The following RECK variants were observed in gnomAD, a reference collection of about 807,000 sequenced individuals.
RECK encodes reversion inducing cysteine rich protein with kazal motifs, also known as reversion-inducing cysteine-rich protein with Kazal motifs.
In RECK, 69 loss-of-function variants were observed where a neutral mutation model predicts 115.1. The ratio of observed to expected loss-of-function variants is 0.60; its 90% CI spans 0.49 to 0.73. The LOEUF (loss-of-function observed/expected upper bound fraction) is 0.73, where lower values mean the gene tolerates loss of function less well. RECK is among the 30% of genes least tolerant of loss of function. The pLI, the probability that RECK is intolerant of heterozygous loss-of-function variation, is 0.00. For missense variants in RECK, 1,047 were observed against 1,203.7 expected (o/e 0.87, Z 1.93); for synonymous variants, 414 against 419.7 (o/e 0.99, Z 0.17).
chr9:36,092,325 G>A (rs1018645770), intron 10 of RECK, among the ~76,000 whole-genome samples: 2 of 151,906 alleles, frequency 1.3e-5, no homozygotes, highest in African/African-American at 4.8e-5. Context: ...AAGAACAATT[G>A]TTTTGAAGGT....
At chr9:36,108,376 T>G (rs142249342) in intron 14 of RECK, among the ~76,000 whole-genome samples, 104 of 152,292 alleles carry the variant, frequency 6.8e-4, no homozygotes, top group African/African-American at 2.4e-3. Context: ...TAATTAATAT[T>G]TATTGAATTC....
chr9:36,056,683 A>G (rs188029257), intron 2 of RECK, among the ~76,000 whole-genome samples: 84 of 152,268 alleles, frequency 5.5e-4, no homozygotes, highest in African/African-American at 2.0e-3. Context: ...AGACTGAGGA[A>G]CTTTAATTTT....
intron 1 of RECK, 45 bp downstream of exon 1, chr9:36,037,143 C>A (rs1375737251): frequency 6.6e-6 from 8 of 1,208,076 alleles, no homozygotes; most frequent in Non-Finnish European, 7.3e-6. Context: ...CGGGAGCGGC[C>A]GCCACAGCGC....
chr9:36,075,267 A>G (rs1302585497), intron 6 of RECK, among the ~76,000 whole-genome samples: 1 of 152,208 alleles, frequency 6.6e-6, no homozygotes, highest in Non-Finnish European at 1.5e-5. Context: ...CCACAAGCAC[A>G]TACTCTGTGC....
intron 10 of RECK, among the ~76,000 whole-genome samples, chr9:36,092,411 A>C (rs1246172584): frequency 2.0e-5 from 3 of 151,860 alleles, no homozygotes; most frequent in Non-Finnish European, 4.4e-5. Context: ...TCACTCTGTC[A>C]CCCAGGCTGG....
chr9:36,039,734 G>A (rs192547250), intron 1 of RECK, among the ~76,000 whole-genome samples: 30 of 152,310 alleles, frequency 2.0e-4, no homozygotes, highest in African/African-American at 7.2e-4. Context: ...TAAGGAATTA[G>A]GTAATAGTAA....
intron 11 of RECK, 126 bp from the exon 12 acceptor site, chr9:36,101,968 T>C: frequency 1.1e-6 from 1 of 892,346 alleles, no homozygotes; most frequent in Non-Finnish European, 1.7e-6. Context: ...GTGACTCTTG[T>C]TCTCTTTTGA....
intron 10 of RECK, among the ~76,000 whole-genome samples, chr9:36,091,559 G>T (rs527241963): frequency 3.3e-4 from 51 of 152,256 alleles, no homozygotes; most frequent in Non-Finnish European, 5.3e-4. Context: ...CAAGCTTCTG[G>T]AATTCAAAGA....
chr9:36,105,355 T>C, intron 13 of RECK, 72 bp downstream of exon 13: 3 of 1,483,400 alleles, frequency 2.0e-6, no homozygotes, highest in East Asian at 2.3e-5. Flanking sequence ...GCTATCTTTC[T>C]TTTTTTCAAT....
At chr9:36,079,737 T>C (rs1470350855) in intron 6 of RECK, among the ~76,000 whole-genome samples, 1 of 152,224 alleles carries the variant, frequency 6.6e-6, no homozygotes, top group Non-Finnish European at 1.5e-5. Context: ...TTTATGCCCA[T>C]ATTATTTCTT....
chr9:36,041,318 G>C (rs1820854914), intron 1 of RECK, among the ~76,000 whole-genome samples: 1 of 152,168 alleles, frequency 6.6e-6, no homozygotes, highest in Admixed American at 6.5e-5. Context: ...GACTATAAGT[G>C]GAGTATTAAG....
At position 36,098,505 on chromosome 9, in the gene RECK, T is replaced by C. The variant is rs74965896; in HGVS notation, c.1086-1826T>C. On this transcript the variant is annotated intron_variant, in intron 10 of 20. Transcript: ENST00000377966. ...AAGCATATGAAGCAAGTGGAATTCT[T>C]GTAGTATGTTACTACTGGGAGTAGA... Among the ~76,000 whole-genome samples the C allele has an allele frequency of 4.3e-4, 66 of 152,364 alleles. 1 individual carries two copies. The East Asian group carries it at 0.012, about 27-fold the overall frequency.
chr9:36,122,556 G>C (rs1824501557), intron 20 of RECK, among the ~76,000 whole-genome samples: 1 of 152,014 alleles, frequency 6.6e-6, no homozygotes, highest in South Asian at 2.1e-4. Flanking sequence ...CTCCCACCTT[G>C]GCCTCCCAGA....
rs1823026950 is a variant in RECK, at chr9:36,087,897, C to T, written c.841C>T (p.Pro281Ser). 3 of 1,613,230 alleles carry T rather than the reference C, an allele frequency of 1.9e-6. No individual in the cohort carries two copies. The African/African-American group carries it at 4.0e-5, about 22-fold the overall frequency. The change falls in exon 9 of 21, where the codon CCC becomes TCC. Residue 281 changes from proline to serine, a missense_variant. By Grantham distance (74) the Pro-to-Ser change is moderately conservative. Coordinates refer to ENST00000377966, the MANE Select transcript of RECK (RefSeq NM_021111.3). ...VHPGVTVHPP[P>S]STGLDGAKLH... The stretch of plus-strand genomic sequence containing the variant: ...CCCTGGAGTCACTGTACACCCTCCT[C>T]CCTCTACAGGCCTCGATGGGGCTAA...
At chr9:36,076,201 T>C (rs1264122441) in intron 6 of RECK, among the ~76,000 whole-genome samples, 1 of 152,244 alleles carries the variant, frequency 6.6e-6, no homozygotes, top group East Asian at 1.9e-4. Context: ...TGTATTGCAA[T>C]GGACTATTTG....
Position 36,075,211 on chromosome 9 carries a change from A to T in RECK, c.406-5394A>T, listed in dbSNP as rs60324607. 4.9e-3 allele frequency among the ~76,000 whole-genome samples: 739 copies of T among 152,358 alleles called. 4 individuals carry two copies. The highest frequency in any genetic ancestry group is 0.017 in the African/African-American group (713 of 41,588). ...GCCAGAGTTACTGTACAATAAATAGATATAAGGAAATGTGAAAAATTGGGG... is the reference window on the plus strand; with the variant it reads ...GCCAGAGTTACTGTACAATAAATAGTTATAAGGAAATGTGAAAAATTGGGG... On this transcript the variant is annotated intron_variant, in intron 6 of 20. Transcript: ENST00000377966.
In RECK at chr9:36,087,893, T is replaced by C. The variant is rs201898968; in HGVS notation, c.837T>C (p.Pro279=). Residue 279 remains proline, a synonymous_variant, in exon 9 of 21, where the codon CCT becomes CCC. Coordinates refer to ENST00000377966, the MANE Select transcript of RECK (RefSeq NM_021111.3). ...QSVHPGVTVH[P]PPSTGLDGAK... is the part of the protein sequence containing the mutation. Reference sequence around the variant, plus strand: ...TTCACCCTGGAGTCACTGTACACCCTCCTCCCTCTACAGGCCTCGATGGGG... The same window carrying C: ...TTCACCCTGGAGTCACTGTACACCCCCCTCCCTCTACAGGCCTCGATGGGG... 29 of 1,613,208 alleles carry C rather than the reference T, an allele frequency of 1.8e-5. No individual in the cohort carries two copies. Among genetic ancestry groups the C allele is most frequent in the Non-Finnish European group, 2.5e-5 (29 of 1,179,342 alleles).
Position 36,112,342 on chromosome 9 carries a change from A to G in RECK, c.1926A>G (p.Val642=). 1.2e-6 allele frequency: 2 copies of G among 1,613,492 alleles called. No individual in the cohort carries two copies. The highest frequency in any genetic ancestry group is 1.7e-6 in the Non-Finnish European group (2 of 1,179,952). ...PCNCADQFVP[V]CGQNGRTYPS... ...ACTGTGCAGATCAGTTTGTCCCTGT[A>G]TGTGGGCAGAATGGGCGCACTTACC... is the stretch of plus-strand genomic sequence containing the variant. Residue 642 remains valine (V), a synonymous_variant, in exon 16 of 21, where the codon GTA becomes GTG. Transcript: ENST00000377966.
At chr9:36,101,894 C>T (rs1424633012) in intron 11 of RECK, among the ~76,000 whole-genome samples, 200 bp from the exon 12 acceptor site, 2 of 152,194 alleles carry the variant, frequency 1.3e-5, no homozygotes, top group African/African-American at 4.8e-5. Context: ...TGAGTAAGGG[C>T]TTTGGTCTCA....
Sources: gnomAD v4.1 joint callset for allele counts (sites outside exome capture counted in the v4.1 genomes callset) on GRCh38, gnomAD v4.1.1 for gene constraint, MANE v1.5 for transcripts, NCBI Gene and HGNC (gene_info 2026-07-23, HGNC 2026-07-21) for gene names.